Variants in MCPH1 observed in about 807,000 individuals in gnomAD.
MCPH1 encodes the protein microcephalin.
A neutral mutation model predicts 84.5 loss-of-function variants in MCPH1; 104 were observed. The observed-to-expected ratio is 1.23, with a 90% confidence interval of 1.05 to 1.45. The LOEUF is 1.45. MCPH1 is among the 40% of genes most tolerant of loss of function. The pLI, the probability that MCPH1 is intolerant of heterozygous loss-of-function variation, is 0.00. For synonymous variants in MCPH1, 514 were observed against 366.8 expected (o/e 1.40, Z -4.58); for missense variants, 1,498 against 1,005.7 (o/e 1.49, Z -6.62).
chr8:6,425,201 C>G (rs1018414798), intron 3 of MCPH1, among the ~76,000 whole-genome samples: 1 of 152,208 alleles, frequency 6.6e-6, no homozygotes. Flanking sequence ...AACGTTGCTG[C>G]TTTGATTTCT....
At position 6,429,639 on chromosome 8, in the gene MCPH1, T is replaced by G. The variant is rs555476406; in HGVS notation, c.234-1860T>G. 1.2e-4 allele frequency among the ~76,000 whole-genome samples: 18 copies of G among 152,278 alleles called. No individual in the cohort carries two copies. The East Asian group carries it at 3.5e-3, about 29-fold the overall frequency. On this transcript the variant is annotated intron_variant, in intron 3 of 13. Coordinates refer to ENST00000344683, the MANE Select transcript of MCPH1 (RefSeq NM_024596.5). The stretch of plus-strand genomic sequence containing the variant: ...CTTTACTATCATTTTATTGGGGTTT[T>G]GGGGGTCAAGAGAAAAGCATGTGCT...
intron 8 of MCPH1, 144 bp downstream of exon 8, chr8:6,445,691 C>T (rs758767358): frequency 1.0e-5 from 15 of 1,433,894 alleles, no homozygotes; most frequent in African/African-American, 4.3e-5. Context: ...TTGATCATTC[C>T]AATGATAAAC....
intron 11 of MCPH1, among the ~76,000 whole-genome samples, chr8:6,492,705 A>G (rs913283525): frequency 6.8e-6 from 1 of 146,264 alleles, no homozygotes; most frequent in African/African-American, 2.5e-5. Context: ...TTTTTTAAAA[A>G]TAAATATTTT....
At chr8:6,521,277 T>C (rs779797623) in intron 12 of MCPH1, 5 of 1,579,620 alleles carry the variant, frequency 3.2e-6, no homozygotes, top group Non-Finnish European at 4.3e-6. Flanking sequence ...GCAGTCACTA[T>C]TTTTTTTTCT....
Position 6,643,278 on chromosome 8 carries a change from T to G in MCPH1, c.*229T>G. ...TTTTTATTTTTATTTTATTTTTTAT[T>G]TTTTGAGACGGAGTCCTGCCCTGTT... is the stretch of plus-strand genomic sequence containing the variant. On this transcript the variant is annotated 3_prime_UTR_variant, in exon 14 of 14. Transcript: ENST00000344683. 1.8e-6 allele frequency: 1 copy of G among 549,146 alleles called. No individual in the cohort carries two copies. The highest frequency in any genetic ancestry group is 5.0e-4 in the Middle Eastern group (1 of 2,020). 34.0% of individuals were successfully genotyped at this position (549,146 alleles called of 1,614,324 possible). A position where few individuals can be genotyped will look rare whatever the true frequency, so the allele number is the denominator to read the frequency against.
At chr8:6,432,707 A>C (rs2442522) in intron 4 of MCPH1, among the ~76,000 whole-genome samples, 102,014 of 151,816 alleles carry the variant, frequency 0.67, 38,447 homozygotes, top group Non-Finnish European at 0.82. Context: ...TGAAAATAGT[A>C]AATGATATTT....
At chr8:6,485,051 G>A (rs1201463919) in intron 11 of MCPH1, among the ~76,000 whole-genome samples, 2 of 152,194 alleles carry the variant, frequency 1.3e-5, no homozygotes, top group African/African-American at 4.8e-5. Context: ...TCTAGGCGGG[G>A]TGCAGTGGCT....
At position 6,505,650 on chromosome 8, in the gene MCPH1, CTA is replaced by C. The variant is rs544707875; in HGVS notation, c.2214+5723_2214+5724del. 6.3e-3 allele frequency among the ~76,000 whole-genome samples: 786 copies of C among 124,492 alleles called. 13 individuals are homozygous for C. The highest frequency in any genetic ancestry group is 0.023 in the African/African-American group (765 of 33,148). The allele number at this position is 124,492 out of a possible 152,430, so 81.7% of individuals were successfully genotyped here. A position where few individuals can be genotyped will look rare whatever the true frequency, so the allele number is the denominator to read the frequency against. On this transcript the variant is annotated intron_variant, in intron 12 of 13. Coordinates refer to ENST00000344683, the MANE Select transcript of MCPH1 (RefSeq NM_024596.5). ...ATATGAATGTATATATTCTTTATATCTATTTATATATAGAATATATATACTTT... is the reference window on the plus strand; with the variant it reads ...ATATGAATGTATATATTCTTTATATCTTTATATATAGAATATATATACTTT...
rs779936175 is a variant in MCPH1, at chr8:6,444,564, C to G, written c.842C>G (p.Thr281Ser). ...AATATTCATTCATCACCATCTTTCA[C>G]TCACCTCGATAAATCAAGTCCTCAG... The part of the protein sequence containing the change: ...ANNIHSSPSF[T>S]HLDKSSPQKF... Residue 281 changes from threonine (T) to serine (S), a missense_variant, in exon 8 of 14, where the codon ACT becomes AGT. Coordinates refer to ENST00000344683, the MANE Select transcript of MCPH1 (RefSeq NM_024596.5). 30 of 1,613,944 alleles carry G rather than the reference C, an allele frequency of 1.9e-5. No individual in the cohort carries two copies. Among genetic ancestry groups the G allele is most frequent in the Admixed American group, 3.3e-5 (2 of 60,002 alleles).
At chr8:6,635,815 C>T (rs1178122330) in intron 13 of MCPH1, among the ~76,000 whole-genome samples, 1 of 152,092 alleles carries the variant, frequency 6.6e-6, no homozygotes, top group South Asian at 2.1e-4. Context: ...TGCCGTGTCC[C>T]GTAAGCTTTG....
At chr8:6,483,917 C>T (rs1322348403) in intron 11 of MCPH1, among the ~76,000 whole-genome samples, 1 of 151,998 alleles carries the variant, frequency 6.6e-6, no homozygotes, top group Non-Finnish European at 1.5e-5. Flanking sequence ...CATTCTATAC[C>T]TTACACGAGC....
chr8:6,468,786 A>G (rs4840396), intron 9 of MCPH1, among the ~76,000 whole-genome samples: 2,929 of 152,246 alleles, frequency 0.019, 41 homozygotes, highest in Non-Finnish European at 0.029. Flanking sequence ...AGTTTTTAGA[A>G]AAACAAAGCA....
intron 2 of MCPH1, among the ~76,000 whole-genome samples, chr8:6,412,131 C>G (rs1197638434): frequency 6.6e-6 from 1 of 152,174 alleles, no homozygotes; most frequent in African/African-American, 2.4e-5. Context: ...TCCCTAATGC[C>G]TGTCTTGAGT....
At chr8:6,546,484 C>T (rs191871027) in intron 12 of MCPH1, among the ~76,000 whole-genome samples, 1 of 152,158 alleles carries the variant, frequency 6.6e-6, no homozygotes, top group East Asian at 1.9e-4. Context: ...GCCTAACTGG[C>T]AAATATATTC....
rs116794732 is a variant in MCPH1 at position 6,420,369 on chromosome 8, A to G, written c.233+5486A>G. ...CTACTTTTTATGGAGTCTTAAGCGT[A>G]TTCTCCCCGACTTTCTGCATCCATA... On this transcript the variant is annotated intron_variant, in intron 3 of 13. Coordinates refer to ENST00000344683, the MANE Select transcript of MCPH1 (RefSeq NM_024596.5). Among the ~76,000 whole-genome samples the G allele has an allele frequency of 6.7e-3, 1,020 of 152,096 alleles. 9 individuals carry two copies. Among genetic ancestry groups the G allele is most frequent in the African/African-American group, 0.023 (970 of 41,476 alleles).
At chr8:6,484,249 A>T (rs1809585767) in intron 11 of MCPH1, among the ~76,000 whole-genome samples, 1 of 152,248 alleles carries the variant, frequency 6.6e-6, no homozygotes. Flanking sequence ...TGGCAAAGAA[A>T]AGATTTGAAT....
At chr8:6,418,665 C>T (rs1315045149) in intron 3 of MCPH1, among the ~76,000 whole-genome samples, 1 of 152,172 alleles carries the variant, frequency 6.6e-6, no homozygotes, top group African/African-American at 2.4e-5. Flanking sequence ...TCACTGCAAC[C>T]TCCTACTCCC....
intron 8 of MCPH1, chr8:6,447,228 T>TGA: frequency 2.0e-6 from 2 of 985,378 alleles, no homozygotes; most frequent in Non-Finnish European, 2.4e-6. Flanking sequence ...CCCCTGGGAC[T>TGA]CAGGTGAACC....
intron 12 of MCPH1, among the ~76,000 whole-genome samples, chr8:6,530,278 C>A (rs1210256771): frequency 1.3e-5 from 2 of 152,042 alleles, no homozygotes; most frequent in African/African-American, 4.8e-5. Context: ...GAGGCCAAGG[C>A]AGGTGGATCA....
Sources: gnomAD v4.1 joint callset for allele counts (sites outside exome capture counted in the v4.1 genomes callset) on GRCh38, gnomAD v4.1.1 for gene constraint, MANE v1.5 for transcripts, NCBI Gene and HGNC (gene_info 2026-07-23, HGNC 2026-07-21) for gene names.